SENP3: variants seen among roughly 807,000 people sequenced by gnomAD.
SENP3 encodes the protein sentrin-specific protease 3.
Under a neutral mutation model 66.2 loss-of-function variants are expected in SENP3, and 11 were observed. The observed-to-expected ratio is 0.17, with a 90% CI of 0.10 to 0.28. SENP3 has a LOEUF of 0.28. Among genes scored for constraint, SENP3 ranks in the 10% least tolerant of loss-of-function variants. The pLI, the probability that SENP3 is intolerant of heterozygous loss-of-function variation, is 1.00. For missense variants in SENP3, 548 were observed against 743.7 expected, an observed-to-expected ratio of 0.74 and a Z score of 3.06; for synonymous variants, 292 against 277.6, an observed-to-expected ratio of 1.05 and a Z score of -0.52.
chr17:7,567,793 A>C (rs1299046823), intron 7 of SENP3, among the ~76,000 whole-genome samples: 1 of 152,116 alleles, frequency 6.6e-6, no homozygotes, highest in Non-Finnish European at 1.5e-5. Context: ...CATGTACGGT[A>C]GGCTGAGGAG....
chr17:7,570,723 C>G lies in SENP3; in HGVS notation c.1522C>G (p.Arg508Gly). 2 of 1,612,752 alleles carry G rather than the reference C, an allele frequency of 1.2e-6. No individual in the cohort carries two copies. The highest frequency in any genetic ancestry group is 2.2e-5 in the South Asian group (2 of 90,840). Residue 508 changes from arginine (R) to glycine (G), a missense_variant, in exon 9 of 11, where the codon CGA becomes GGA. Arg to Gly is a moderately radical substitution (Grantham distance 125). This residue lies in a region of SENP3 where 81 missense variants were observed against 139.8 expected (regional missense o/e 0.58). Transcript: ENST00000321337. This position sits in a 1 kb window ranked among gnomAD's most constrained non-coding sequence, Gnocchi z 5.4. ...YLQAEAVKKD[R>G]LDFHQGWKGY... ...ACAGGCAGAGGCGGTAAAGAAAGAC[C>G]GACTGGATTTCCACCAGGGCTGGAA... is the stretch of plus-strand genomic sequence containing the variant.
chr17:7,564,682 A>G lies in SENP3; in HGVS notation c.773A>G (p.Glu258Gly). 6.2e-7 allele frequency: 1 copy of G among 1,613,948 alleles called. No individual in the cohort carries two copies. The change falls in exon 3 of 11, where the codon GAG becomes GGG. Residue 258 changes from glutamate (E) to glycine (G), a missense_variant. By Grantham distance (98) the Glu-to-Gly change is moderately conservative (BLOSUM62 -2). Around this residue, in one of 6 missense-constraint regions of SENP3, gnomAD observed 215 missense variants for 230.7 expected, o/e 0.93. Transcript: ENST00000321337. ...GGGGGACAATCTGGGCCAGAAGGGGAGCGCAGCTTGGCACCCCCTGATGCC... is the reference window on the plus strand; with the variant it reads ...GGGGGACAATCTGGGCCAGAAGGGGGGCGCAGCTTGGCACCCCCTGATGCC... ...GFGGQSGPEGERSLAPPDASI... is the reference protein window; with the variant it reads ...GFGGQSGPEGGRSLAPPDASI...
rs529759097 is a variant in SENP3 at position 7,570,791 on chromosome 17, G to A, written c.1563+27G>A. The A allele has an allele frequency of 1.3e-5, 21 of 1,605,308 alleles. No homozygotes were observed. The Admixed American group carries it at 2.6e-4, about 20-fold the overall frequency. ...TGAGTTTCCTGAGGGAGGGGTATAG[G>A]GTGTTGGTGGGGACAGTGGTAGAAG... On this transcript the variant is annotated intron_variant, in intron 9 of 10. Transcript: ENST00000321337. This position sits in a 1 kb window ranked among gnomAD's most constrained non-coding sequence, Gnocchi z 5.4.
At position 7,562,123 on chromosome 17, in the gene SENP3, G is replaced by T; in HGVS notation, c.-152G>T. ...GCGGCGCGGCACGCGGCCCAGAAGC[G>T]TTGGAATCCTGAATTGAGACGGCTG... On this transcript the variant is annotated 5_prime_UTR_variant, in exon 1 of 11. Transcript: ENST00000321337. This position sits in a 1 kb window ranked among gnomAD's most constrained non-coding sequence, Gnocchi z 5.0. The T allele has an allele frequency of 2.5e-6, 1 of 398,966 alleles. No homozygotes were observed. 24.7% of individuals were successfully genotyped at this position (398,966 alleles called of 1,614,324 possible). A position where few individuals can be genotyped will look rare whatever the true frequency, so the allele number is the denominator to read the frequency against.
intron 5 of SENP3, 53 bp from the exon 6 acceptor site, chr17:7,565,664 C>G (rs1360419550): frequency 9.3e-6 from 15 of 1,612,806 alleles, no homozygotes; most frequent in Admixed American, 1.7e-5. Flanking sequence ...ATGGGGGAGC[C>G]CTGTACCCAT....
At chr17:7,565,898 A>G in intron 6 of SENP3, 134 bp downstream of exon 6, 3 of 709,444 alleles carry the variant, frequency 4.2e-6, no homozygotes, top group Non-Finnish European at 7.1e-6. Context: ...GTGGTAGTGT[A>G]TTAATTTCAA....
rs765832983 is a variant in SENP3, at chr17:7,564,328, G to C, written c.716-297G>C. 2.7e-5 allele frequency: 14 copies of C among 527,178 alleles called. No individual in the cohort carries two copies. In the East Asian group the frequency reaches 5.4e-4, roughly 20 times the overall value. The allele number at this position is 527,178 out of a possible 1,614,324, so 32.7% of individuals were successfully genotyped here. On this transcript the variant is annotated intron_variant, in intron 2 of 10. Transcript: ENST00000321337. ...TACAATATGCTGGGTACTATGCTGG[G>C]TGTTTGGCATATAGTGGTGACAAAT...
chr17:7,566,011 G>T, intron 6 of SENP3: 1 of 408,586 alleles, frequency 2.4e-6, no homozygotes. Context: ...GGTTCCTATT[G>T]TAACTATTGT....
rs2071326290 is a variant in SENP3, at chr17:7,571,892, TATATATATATATATATAAAA to T, written c.*417_*436del. The T allele has an allele frequency of 8.1e-5, 1 of 12,274 alleles. No homozygotes were observed. Among genetic ancestry groups the T allele is most frequent in the Non-Finnish European group, 1.8e-4 (1 of 5,570 alleles). The allele number at this position is 12,274 out of a possible 1,614,324, so 0.8% of individuals were successfully genotyped here. A position where few individuals can be genotyped will look rare whatever the true frequency, so the allele number is the denominator to read the frequency against. The stretch of plus-strand genomic sequence containing the variant: ...ATATATATATATATATATATATATA[TATATATATATATATATAAAA>T]ATATATAAATGCCACGGTCCTGCTC... On this transcript the variant is annotated 3_prime_UTR_variant, in exon 11 of 11. Transcript: ENST00000321337.
chr17:7,563,861 A>G, intron 2 of SENP3, 70 bp downstream of exon 2: 1 of 1,324,894 alleles, frequency 7.5e-7, no homozygotes, highest in Non-Finnish European at 1.0e-6. Context: ...GAGCACCAGG[A>G]GCCTGTTGCC....
intron 6 of SENP3, 48 bp from the exon 7 acceptor site, chr17:7,566,879 G>T (rs1350875758): frequency 1.1e-5 from 14 of 1,328,612 alleles, no homozygotes; most frequent in Non-Finnish European, 1.5e-5. Flanking sequence ...TAGTGGGAGA[G>T]TCTGAGGTCT....
At position 7,563,801 on chromosome 17, in the gene SENP3, GAAAGGGGTGTGGGGTTGC is replaced by G; in HGVS notation, c.715+11_715+28del. On this transcript the variant is annotated intron_variant, in intron 2 of 10. Coordinates refer to ENST00000321337, the MANE Select transcript of SENP3 (RefSeq NM_015670.6). The stretch of plus-strand genomic sequence containing the variant: ...CTGGACCCTGACTCGGGTAAGGTGG[GAAAGGGGTGTGGGGTTGC>G]GGGGGAGGGGTTAGGGAGGGTTAAG... 9.1e-7 allele frequency: 1 copy of G among 1,098,092 alleles called. No individual in the cohort carries two copies. The highest frequency in any genetic ancestry group is 1.3e-6 in the Non-Finnish European group (1 of 763,884). The allele number at this position is 1,098,092 out of a possible 1,614,324, so 68.0% of individuals were successfully genotyped here.
At chr17:7,569,779 T>C (rs961439880) in intron 7 of SENP3, among the ~76,000 whole-genome samples, 2 of 152,230 alleles carry the variant, frequency 1.3e-5, no homozygotes, top group South Asian at 4.1e-4. Flanking sequence ...GTCACGACTT[T>C]CCAAGCTGCA....
At chr17:7,565,634 G>A in intron 5 of SENP3, 47 bp downstream of exon 5, 1 of 1,613,310 alleles carries the variant, frequency 6.2e-7, no homozygotes, top group Non-Finnish European at 8.5e-7. Context: ...TCAGGGAGCA[G>A]GGTGTCTGGG....
Position 7,571,771 on chromosome 17 carries a change from G to A in SENP3, c.*288G>A, listed in dbSNP as rs1450764254. 5.2e-6 allele frequency: 1 copy of A among 193,954 alleles called. No individual in the cohort carries two copies. The highest frequency in any genetic ancestry group is 1.0e-5 in the Non-Finnish European group (1 of 96,320). 12.0% of individuals were successfully genotyped at this position (193,954 alleles called of 1,614,324 possible). On this transcript the variant is annotated 3_prime_UTR_variant, in exon 11 of 11. Coordinates refer to ENST00000321337, the MANE Select transcript of SENP3 (RefSeq NM_015670.6). The stretch of plus-strand genomic sequence containing the variant: ...ATCCTCCCCCTTCCCCGTGCAGGGA[G>A]CAGGAAATCAGTGCTGGGGGTGGTG...
In SENP3 at chr17:7,562,167, G is replaced by A. The variant is rs2071221432; in HGVS notation, c.-108G>A. 5.0e-6 allele frequency: 2 copies of A among 398,280 alleles called. No homozygotes were observed. The allele number at this position is 398,280 out of a possible 1,614,324, so 24.7% of individuals were successfully genotyped here. A position where few individuals can be genotyped will look rare whatever the true frequency, so the allele number is the denominator to read the frequency against. ...ACGGCTGCGCCTAAAGACAGCAGGAGTGGCGGGGCCGCCGCCGTCGCCGGA... is the reference window on the plus strand; with the variant it reads ...ACGGCTGCGCCTAAAGACAGCAGGAATGGCGGGGCCGCCGCCGTCGCCGGA... On this transcript the variant is annotated 5_prime_UTR_variant, in exon 1 of 11. In the 5' UTR this introduces an upstream ATG that the reference lacks. Coordinates refer to ENST00000321337, the MANE Select transcript of SENP3 (RefSeq NM_015670.6). The surrounding 1 kb of genome is among the most constrained non-coding windows in gnomAD (Gnocchi z 5.0).
At position 7,571,353 on chromosome 17, in the gene SENP3, C is replaced by T. The variant is rs371542629; in HGVS notation, c.1615-20C>T. 6 of 1,587,098 alleles carry T rather than the reference C, an allele frequency of 3.8e-6. No individual in the cohort carries two copies. Among genetic ancestry groups the T allele is most frequent in the Non-Finnish European group, 5.2e-6 (6 of 1,155,746 alleles). On this transcript the variant is annotated intron_variant, in intron 10 of 10. Coordinates refer to ENST00000321337, the MANE Select transcript of SENP3 (RefSeq NM_015670.6). ...TCCTGACACGGGGGGTTTCTCATGG[C>T]TTGCTTTGTTAACACCCAGTACTGC...
chr17:7,569,737 C>T (rs1408795306), intron 7 of SENP3, among the ~76,000 whole-genome samples: 2 of 152,186 alleles, frequency 1.3e-5, no homozygotes, highest in African/African-American at 4.8e-5. Flanking sequence ...AGTCCCACTT[C>T]TGCCATTTCT....
Position 7,562,092 on chromosome 17 carries a change from T to TGCTCGGCGGCGCGGC in SENP3, c.-182_-168dup, listed in dbSNP as rs2071220584. 5.8e-5 allele frequency: 23 copies of TGCTCGGCGGCGCGGC among 397,490 alleles called. 1 individual carries two copies. In the South Asian group the frequency reaches 2.4e-3, roughly 41 times the overall value. The allele number at this position is 397,490 out of a possible 1,614,324, so 24.6% of individuals were successfully genotyped here. On this transcript the variant is annotated 5_prime_UTR_variant, in exon 1 of 11. Transcript: ENST00000321337. The surrounding 1 kb of genome is among the most constrained non-coding windows in gnomAD (Gnocchi z 5.0). ...CAGAGCCAGAGGCGGCGCGGCGGGGTGCTCGGCGGCGCGGCACGCGGCCCA... is the reference window on the plus strand; with the variant it reads ...CAGAGCCAGAGGCGGCGCGGCGGGGTGCTCGGCGGCGCGGCGCTCGGCGGCGCGGCACGCGGCCCA...
Sources: allele counts gnomAD v4.1 joint callset (sites outside exome capture counted in the v4.1 genomes callset), GRCh38; gene constraint gnomAD v4.1.1; regional missense constraint gnomAD v4.1.1; non-coding constraint Gnocchi (gnomAD v3.1); transcripts MANE v1.5; gene names NCBI Gene and HGNC (gene_info 2026-07-23, HGNC 2026-07-21).